Variants in TMOD3 observed in about 807,000 individuals in gnomAD.
TMOD3 encodes the protein tropomodulin-3.
Under a neutral mutation model 39.2 loss-of-function variants are expected in TMOD3, and 20 were observed. The ratio of observed to expected loss-of-function variants is 0.51; its 90% CI spans 0.36 to 0.74. TMOD3 has a LOEUF of 0.74. Ranked by LOEUF, TMOD3 falls within the 30% of genes least tolerant of loss-of-function variation. The pLI, the probability that TMOD3 is intolerant of heterozygous loss-of-function variation, is 0.00. For synonymous variants in TMOD3, 143 were observed against 145.8 expected, an observed-to-expected ratio of 0.98 and a Z score of 0.14; for missense variants, 381 against 412.8, an observed-to-expected ratio of 0.92 and a Z score of 0.67.
At chr15:51,905,652 G>C (rs2056674675) in intron 9 of TMOD3, among the ~76,000 whole-genome samples, 1 of 152,152 alleles carries the variant, frequency 6.6e-6, no homozygotes, top group South Asian at 2.1e-4. Flanking sequence ...AACAAAAACT[G>C]CTCTTATTGC....
chr15:51,855,079 G>A (rs2056381293), intron 1 of TMOD3, among the ~76,000 whole-genome samples: 1 of 152,226 alleles, frequency 6.6e-6, no homozygotes, highest in Non-Finnish European at 1.5e-5. Flanking sequence ...CAGTGGGTGA[G>A]TGGAAAGAAG....
intron 8 of TMOD3, 98 bp from the exon 9 acceptor site, chr15:51,901,794 A>T: frequency 1.6e-6 from 2 of 1,229,366 alleles, no homozygotes; most frequent in Non-Finnish European, 2.3e-6. Context: ...ACATTTAAAG[A>T]GATCAAAGAA....
chr15:51,859,936 C>G lies in TMOD3; in HGVS notation c.-74-2875C>G, dbSNP rs765085668. On this transcript the variant is annotated intron_variant, in intron 1 of 9. Transcript: ENST00000308580. The stretch of plus-strand genomic sequence containing the variant: ...CAGTCATGGTTCTTTCCAACCTCTT[C>G]CCTCTGAGGAACCCACTATTTGTCT... 79 of 544,980 alleles carry G rather than the reference C, an allele frequency of 1.4e-4. 1 individual carries two copies. The highest frequency in any genetic ancestry group is 9.4e-4 in the Admixed American group (49 of 52,042). The allele number at this position is 544,980 out of a possible 1,614,324, so 33.8% of individuals were successfully genotyped here. A position where few individuals can be genotyped will look rare whatever the true frequency, so the allele number is the denominator to read the frequency against.
intron 1 of TMOD3, among the ~76,000 whole-genome samples, chr15:51,857,814 T>G (rs1373544578): frequency 6.6e-6 from 1 of 152,178 alleles, no homozygotes; most frequent in Non-Finnish European, 1.5e-5. Context: ...TTATATACTT[T>G]TATCAGTTTC....
rs1419883886 is a variant in TMOD3, at chr15:51,909,258, T to C, written c.*448T>C. The C allele has an allele frequency of 6.5e-6, 1 of 153,800 alleles. No homozygotes were observed. 9.5% of individuals were successfully genotyped at this position (153,800 alleles called of 1,614,324 possible). Reference sequence around the variant, plus strand: ...TTTCCATTTTTTAAAATACATGAACTTGGCAAGGGTGTGATTTTTCTTTAT... The same window carrying C: ...TTTCCATTTTTTAAAATACATGAACCTGGCAAGGGTGTGATTTTTCTTTAT... On this transcript the variant is annotated 3_prime_UTR_variant, in exon 10 of 10. Coordinates refer to ENST00000308580, the MANE Select transcript of TMOD3 (RefSeq NM_014547.5).
intron 1 of TMOD3, among the ~76,000 whole-genome samples, chr15:51,847,850 G>T (rs1028248120): frequency 3.3e-5 from 5 of 152,154 alleles, no homozygotes; most frequent in Admixed American, 2.6e-4. Context: ...CTTTGAGCGT[G>T]GTGGGTATTG....
At chr15:51,861,961 A>C (rs952438184) in intron 1 of TMOD3, among the ~76,000 whole-genome samples, 4 of 152,174 alleles carry the variant, frequency 2.6e-5, no homozygotes, top group African/African-American at 9.7e-5. Context: ...GGTATATTTT[A>C]TGAGACAGAC....
intron 8 of TMOD3, chr15:51,901,137 C>G (rs1307689772): frequency 6.6e-6 from 1 of 152,308 alleles, no homozygotes; most frequent in South Asian, 2.1e-4. Context: ...TTTCACCTGG[C>G]ATAATGTTCT....
At chr15:51,905,893 G>C (rs1383951444) in intron 9 of TMOD3, among the ~76,000 whole-genome samples, 1 of 132,694 alleles carries the variant, frequency 7.5e-6, no homozygotes, top group South Asian at 2.4e-4. Context: ...GCAGTGAGCC[G>C]AGATTGCGCC....
chr15:51,904,180 T>C (rs1252707559), intron 9 of TMOD3, among the ~76,000 whole-genome samples: 2 of 152,244 alleles, frequency 1.3e-5, no homozygotes, highest in Non-Finnish European at 2.9e-5. Context: ...ATCATTGTTA[T>C]ACATCTTAAG....
intron 7 of TMOD3, among the ~76,000 whole-genome samples, chr15:51,898,168 A>G (rs549256717): frequency 6.6e-6 from 1 of 152,194 alleles, no homozygotes; most frequent in Non-Finnish European, 1.5e-5. Context: ...CATCTCATTT[A>G]CTTGCCCTTT....
chr15:51,870,440 T>A (rs983594244), intron 3 of TMOD3, among the ~76,000 whole-genome samples: 5 of 152,208 alleles, frequency 3.3e-5, no homozygotes, highest in African/African-American at 1.2e-4. Context: ...GCAGGCACCA[T>A]TTTTATGTCT....
At chr15:51,859,839 C>T (rs1454596705) in intron 1 of TMOD3, 2 of 519,670 alleles carry the variant, frequency 3.8e-6, no homozygotes, top group African/African-American at 3.9e-5. Flanking sequence ...AGTTATGGCA[C>T]AGCAACAACT....
Position 51,915,306 on chromosome 15 carries a change from C to T in TMOD3, c.*6496C>T, listed in dbSNP as rs2056728382. ...GTGGTTTCAAATTTTCAGATCAATC[C>T]ATTTAAGAATTGTTTTTTCAAATGT... On this transcript the variant is annotated 3_prime_UTR_variant, in exon 10 of 10. Coordinates refer to ENST00000308580, the MANE Select transcript of TMOD3 (RefSeq NM_014547.5). The T allele has an allele frequency of 6.6e-6, 1 of 151,858 alleles. No individual in the cohort carries two copies. Among genetic ancestry groups the T allele is most frequent in the Non-Finnish European group, 1.5e-5 (1 of 67,976 alleles). The allele number at this position is 151,858 out of a possible 1,614,324, so 9.4% of individuals were successfully genotyped here. A position where few individuals can be genotyped will look rare whatever the true frequency, so the allele number is the denominator to read the frequency against.
Position 51,893,956 on chromosome 15 carries a change from T to G in TMOD3, c.627+11T>G, listed in dbSNP as rs545548640. The G allele has an allele frequency of 4.4e-6, 7 of 1,574,152 alleles. No individual in the cohort carries two copies. On this transcript the variant is annotated intron_variant, in intron 6 of 9. Transcript: ENST00000308580. Reference sequence around the variant, plus strand: ...TTGAATAATATAAAGGTAAGTGTGCTAATCAGAGTGGTTTTGTATTGCTTT... The same window carrying G: ...TTGAATAATATAAAGGTAAGTGTGCGAATCAGAGTGGTTTTGTATTGCTTT...
intron 8 of TMOD3, 44 bp downstream of exon 8, chr15:51,900,342 G>A (rs117455317): frequency 1.3e-5 from 21 of 1,608,622 alleles, no homozygotes; most frequent in Admixed American, 3.4e-5. Context: ...TACAGCCCAC[G>A]CTGCTGTGTA....
intron 1 of TMOD3, among the ~76,000 whole-genome samples, chr15:51,844,785 T>C (rs1458297083): frequency 1.3e-5 from 2 of 152,220 alleles, no homozygotes; most frequent in Admixed American, 1.3e-4. Flanking sequence ...TGGAAATCAA[T>C]GTGAAAATAG....
chr15:51,884,989 C>T (rs1187822554), intron 3 of TMOD3, among the ~76,000 whole-genome samples: 1 of 152,058 alleles, frequency 6.6e-6, no homozygotes, highest in African/African-American at 2.4e-5. Flanking sequence ...AGACCCCAGT[C>T]AGACCTGCTG....
At chr15:51,903,808 T>G (rs2056664554) in intron 9 of TMOD3, among the ~76,000 whole-genome samples, 1 of 152,182 alleles carries the variant, frequency 6.6e-6, no homozygotes, top group African/African-American at 2.4e-5. Flanking sequence ...ACACATAGAT[T>G]ATTGGCTTAA....
Sources: gnomAD v4.1 joint callset for allele counts (sites outside exome capture counted in the v4.1 genomes callset) on GRCh38, gnomAD v4.1.1 for gene constraint, MANE v1.5 for transcripts, NCBI Gene and HGNC (gene_info 2026-07-23, HGNC 2026-07-21) for gene names.